NDRG3: variants seen among roughly 807,000 people sequenced by gnomAD.
NDRG3 encodes the protein protein NDRG3.
NDRG3 carries 23 observed loss-of-function variants against 57.2 expected under a neutral mutation model. That is an observed-to-expected ratio of 0.40 (90% CI 0.29 to 0.57). The LOEUF (loss-of-function observed/expected upper bound fraction) is 0.57, where lower values mean the gene tolerates loss of function less well. NDRG3 is among the 20% of genes least tolerant of loss of function. The pLI, the probability that NDRG3 is intolerant of heterozygous loss-of-function variation, is 0.42. For missense variants in NDRG3, 384 were observed against 457.3 expected (o/e 0.84, Z 1.46); for synonymous variants, 132 against 162.6 (o/e 0.81, Z 1.43).
chr20:36,677,025 C>T (rs996109194), intron 8 of NDRG3, among the ~76,000 whole-genome samples: 2 of 152,230 alleles, frequency 1.3e-5, no homozygotes, highest in Non-Finnish European at 2.9e-5. Context: ...TGGGAACAGG[C>T]AGGATTTGCC....
chr20:36,680,754 A>C (rs1040394709), intron 8 of NDRG3, 62 bp downstream of exon 8: 11 of 1,328,864 alleles, frequency 8.3e-6, no homozygotes, highest in Non-Finnish European at 1.2e-5. Flanking sequence ...TCAATGAAAA[A>C]CTGGTAAGCT....
chr20:36,720,409 G>A (rs952769992), intron 2 of NDRG3, among the ~76,000 whole-genome samples: 2 of 152,118 alleles, frequency 1.3e-5, no homozygotes, highest in Non-Finnish European at 2.9e-5. Flanking sequence ...CTGACCTCAA[G>A]TGATCCGTCA....
At chr20:36,665,194 G>T (rs1199924098) in intron 11 of NDRG3, 42 bp downstream of exon 11, 1 of 1,602,254 alleles carries the variant, frequency 6.2e-7, no homozygotes. Flanking sequence ...CACCAAATTA[G>T]TCTATATTTG....
intron 1 of NDRG3, among the ~76,000 whole-genome samples, chr20:36,723,792 C>T (rs899962462): frequency 4.6e-5 from 7 of 151,444 alleles, no homozygotes; most frequent in Admixed American, 1.3e-4. Flanking sequence ...CTGGAACCTC[C>T]GCCTCCTGGG....
intron 9 of NDRG3, among the ~76,000 whole-genome samples, chr20:36,666,807 C>T (rs1237929707): frequency 1.3e-5 from 2 of 152,038 alleles, no homozygotes; most frequent in Admixed American, 1.3e-4. Flanking sequence ...ACATATAAAC[C>T]ATAAAGTGTA....
intron 3 of NDRG3, chr20:36,700,721 T>C: frequency 4.5e-6 from 1 of 224,266 alleles, no homozygotes. Context: ...TCTGATAGGC[T>C]CTGGTCATAG....
chr20:36,660,900 C>T (rs1018991568), intron 12 of NDRG3, among the ~76,000 whole-genome samples: 21 of 152,170 alleles, frequency 1.4e-4, no homozygotes, highest in African/African-American at 5.1e-4. Flanking sequence ...TATTTCTGAG[C>T]AGATCTAAAA....
chr20:36,733,549 C>T (rs1306525065), intron 1 of NDRG3, among the ~76,000 whole-genome samples: 1 of 151,830 alleles, frequency 6.6e-6, no homozygotes, highest in Non-Finnish European at 1.5e-5. Context: ...ATGGTGAAAC[C>T]CCGTCTCTAC....
At chr20:36,665,324 A>AGTAGC in intron 10 of NDRG3, 23 bp from the exon 11 acceptor site, 1 of 1,612,680 alleles carries the variant, frequency 6.2e-7, no homozygotes, top group Non-Finnish European at 8.5e-7. Context: ...AGCAGAAGCA[A>AGTAGC]TGCCCTTTTT....
At chr20:36,710,174 A>T (rs1316201120) in intron 2 of NDRG3, among the ~76,000 whole-genome samples, 1 of 152,060 alleles carries the variant, frequency 6.6e-6, no homozygotes, top group Non-Finnish European at 1.5e-5. Context: ...GCAAAAAAAA[A>T]TTAGCTGAGC....
At chr20:36,745,918 G>A (rs1986169665) in intron 1 of NDRG3, 127 bp downstream of exon 1, 1 of 228,996 alleles carries the variant, frequency 4.4e-6, no homozygotes, top group African/African-American at 2.3e-5. Flanking sequence ...GGGGAGGCAA[G>A]CAGCACGGGC....
chr20:36,699,754 G>T (rs937848299), intron 3 of NDRG3, among the ~76,000 whole-genome samples: 2 of 151,894 alleles, frequency 1.3e-5, no homozygotes, highest in African/African-American at 4.8e-5. Context: ...ACAGTGAGCT[G>T]CCAGGGAAGG....
chr20:36,719,948 C>G (rs1190369456), intron 2 of NDRG3, among the ~76,000 whole-genome samples: 1 of 151,602 alleles, frequency 6.6e-6, no homozygotes, highest in Non-Finnish European at 1.5e-5. Flanking sequence ...AACCCTGTCT[C>G]TACTAAAAAT....
chr20:36,691,127 A>C (rs910272700), intron 3 of NDRG3, among the ~76,000 whole-genome samples: 2 of 152,256 alleles, frequency 1.3e-5, no homozygotes, highest in African/African-American at 4.8e-5. Flanking sequence ...ATCCCAAAAA[A>C]GGCAAAGGGC....
At chr20:36,744,967 A>AGGGGG (rs34122149) in intron 1 of NDRG3, among the ~76,000 whole-genome samples, 1 of 65,348 alleles carries the variant, frequency 1.5e-5, no homozygotes, top group Non-Finnish European at 3.2e-5. Context: ...GGCCAGGGTA[A>AGGGGG]GGGGGGGGGG....
At chr20:36,729,714 G>A (rs1021890347) in intron 1 of NDRG3, among the ~76,000 whole-genome samples, 2 of 151,936 alleles carry the variant, frequency 1.3e-5, no homozygotes, top group African/African-American at 4.8e-5. Flanking sequence ...GTTTTGTAGT[G>A]TCAGGGTTGC....
intron 1 of NDRG3, among the ~76,000 whole-genome samples, chr20:36,733,196 ATATAT>A (rs1161575679): frequency 1.5e-5 from 2 of 131,060 alleles, no homozygotes; most frequent in African/African-American, 5.7e-5. Context: ...ATATATATAT[ATATAT>A]ATGCACATAT....
In NDRG3 at chr20:36,687,946, CACAA is replaced by C. The variant is rs1428008045; in HGVS notation, c.200-338_200-335del. On this transcript the variant is annotated intron_variant, in intron 4 of 15. Coordinates refer to ENST00000349004, the MANE Select transcript of NDRG3 (RefSeq NM_032013.4). ...TCTCATGGACATTATTCCTCTATCT[CACAA>C]ACAGACACTGATTATACCCCAAGAG... is the stretch of plus-strand genomic sequence containing the variant. Among the ~76,000 whole-genome samples, 12 of 152,326 alleles carry C rather than the reference CACAA, an allele frequency of 7.9e-5. No individual in the cohort carries two copies. In the South Asian group the frequency reaches 2.3e-3, roughly 29 times the overall value.
At chr20:36,664,543 C>T (rs1459974213) in intron 12 of NDRG3, among the ~76,000 whole-genome samples, 5 of 151,980 alleles carry the variant, frequency 3.3e-5, no homozygotes, top group Non-Finnish European at 7.4e-5. Context: ...CAACACAAAG[C>T]AATCAAGAAA....
Sources: allele counts gnomAD v4.1 joint callset (sites outside exome capture counted in the v4.1 genomes callset), GRCh38; gene constraint gnomAD v4.1.1; transcripts MANE v1.5; gene names NCBI Gene and HGNC (gene_info 2026-07-23, HGNC 2026-07-21).